The following RMST variants were observed in gnomAD, a reference collection of about 807,000 sequenced individuals.
RMST encodes long intergenic non-protein coding RNA 54.
chr12:97,491,834 T>A (rs1353514119), intron 5 of RMST: 1 of 477,708 alleles, frequency 2.1e-6, no homozygotes, highest in Admixed American at 2.1e-5. Flanking sequence ...GTCATTTTCA[T>A]CAAATGTTCA....
chr12:97,513,157 G>A (rs1182321313), intron 10 of RMST, among the ~76,000 whole-genome samples: 1 of 152,190 alleles, frequency 6.6e-6, no homozygotes, highest in Non-Finnish European at 1.5e-5. Context: ...GGCCGGCTCT[G>A]GCCTTGGCCA....
chr12:97,562,440 A>G (rs553072459), intron 13 of RMST, among the ~76,000 whole-genome samples: 2 of 149,864 alleles, frequency 1.3e-5, no homozygotes, highest in African/African-American at 4.9e-5. Flanking sequence ...GGAAGGAGAG[A>G]TGTGGTAGAG....
chr12:97,488,048 A>G (rs1191671856), intron 5 of RMST, among the ~76,000 whole-genome samples: 1 of 152,148 alleles, frequency 6.6e-6, no homozygotes. Flanking sequence ...TGCCATCCCC[A>G]TCTAGAGACC....
intron 11 of RMST, among the ~76,000 whole-genome samples, chr12:97,536,028 C>T (rs1348284254): frequency 6.6e-6 from 1 of 151,492 alleles, no homozygotes; most frequent in Non-Finnish European, 1.5e-5. Context: ...TTATGTTTAA[C>T]AGAATTTTAA....
intron 13 of RMST, among the ~76,000 whole-genome samples, chr12:97,562,023 G>A (rs1450702657): frequency 6.6e-6 from 1 of 152,076 alleles, no homozygotes; most frequent in African/African-American, 2.4e-5. Flanking sequence ...CTGGCTGAGT[G>A]CGCCACAGAG....
chr12:97,525,264 T>C (rs1165981267), intron 10 of RMST, among the ~76,000 whole-genome samples: 1 of 152,190 alleles, frequency 6.6e-6, no homozygotes, highest in Non-Finnish European at 1.5e-5. Flanking sequence ...AACAAATGGT[T>C]TTGAAAATAA....
intron 10 of RMST, among the ~76,000 whole-genome samples, chr12:97,524,075 C>CAGAAAAAA (rs57255256): frequency 1.8e-5 from 1 of 56,118 alleles, no homozygotes; most frequent in South Asian, 7.7e-4. Context: ...GACTCTGTCT[C>CAGAAAAAA]AAAAAAAAAA....
chr12:97,553,949 C>CTTTTT (rs756008010), intron 11 of RMST, among the ~76,000 whole-genome samples: 44 of 120,274 alleles, frequency 3.7e-4, no homozygotes, highest in Non-Finnish European at 5.0e-4. Flanking sequence ...TTTTCTTTCT[C>CTTTTT]TTTTTTTTTT....
At chr12:97,517,145 T>C (rs2136537639) in intron 10 of RMST, among the ~76,000 whole-genome samples, 1 of 152,090 alleles carries the variant, frequency 6.6e-6, no homozygotes, top group East Asian at 1.9e-4. Flanking sequence ...GAAAGCTTTT[T>C]GTAACATAAA....
chr12:97,499,697 T>C (rs2136474149), intron 10 of RMST, among the ~76,000 whole-genome samples: 1 of 150,448 alleles, frequency 6.6e-6, no homozygotes, highest in Non-Finnish European at 1.5e-5. Flanking sequence ...ACTCACTCTG[T>C]TGCCCAGACT....
At chr12:97,556,017 CTG>C (rs1241748385) in intron 11 of RMST, among the ~76,000 whole-genome samples, 1 of 152,214 alleles carries the variant, frequency 6.6e-6, no homozygotes, top group East Asian at 1.9e-4. Context: ...AAGGATCACA[CTG>C]TGGAATCTAC....
intron 10 of RMST, among the ~76,000 whole-genome samples, chr12:97,526,154 T>C (rs1181943973): frequency 6.6e-6 from 1 of 152,082 alleles, no homozygotes; most frequent in Admixed American, 6.6e-5. Context: ...GCACAATAAA[T>C]GTAATGCGCT....
At chr12:97,470,022 C>A (rs1407961952) in intron 5 of RMST, among the ~76,000 whole-genome samples, 1 of 152,074 alleles carries the variant, frequency 6.6e-6, no homozygotes, top group Admixed American at 6.6e-5. Flanking sequence ...ATTGCCCCCA[C>A]AAAATTTGTC....
At chr12:97,509,099 C>T (rs750048868) in intron 10 of RMST, among the ~76,000 whole-genome samples, 74 of 152,118 alleles carry the variant, frequency 4.9e-4, no homozygotes, top group Non-Finnish European at 9.6e-4. Flanking sequence ...GGATTTTAAC[C>T]AGGAGACCGT....
At chr12:97,478,309 A>G (rs1262350958) in intron 5 of RMST, among the ~76,000 whole-genome samples, 3 of 152,206 alleles carry the variant, frequency 2.0e-5, no homozygotes, top group African/African-American at 7.2e-5. Context: ...TCTATAAAAC[A>G]CATTTTGATT....
At chr12:97,487,825 A>G (rs936794726) in intron 5 of RMST, among the ~76,000 whole-genome samples, 5 of 152,248 alleles carry the variant, frequency 3.3e-5, no homozygotes, top group African/African-American at 1.2e-4. Context: ...TGTCTGTGCC[A>G]GTAATTCACG....
chr12:97,539,604 TG>T (rs1329179921), intron 11 of RMST, among the ~76,000 whole-genome samples: 15 of 151,570 alleles, frequency 9.9e-5, no homozygotes, highest in African/African-American at 3.6e-4. Flanking sequence ...TTTGCTATCA[TG>T]AGATTATCTA....
intron 5 of RMST, among the ~76,000 whole-genome samples, chr12:97,487,449 A>G (rs1009645265): frequency 3.3e-5 from 5 of 152,182 alleles, no homozygotes; most frequent in Non-Finnish European, 7.3e-5. Flanking sequence ...AGAGACCTAA[A>G]CATGCAACAA....
At chr12:97,559,934 A>G (rs1442003703) in intron 11 of RMST, among the ~76,000 whole-genome samples, 1 of 152,190 alleles carries the variant, frequency 6.6e-6, no homozygotes, top group Admixed American at 6.5e-5. Flanking sequence ...AATTTTATTA[A>G]AGTTAAATTC....
Sources: allele counts gnomAD v4.1 joint callset (sites outside exome capture counted in the v4.1 genomes callset), GRCh38; gene constraint gnomAD v4.1.1; transcripts MANE v1.5; gene names NCBI Gene and HGNC (gene_info 2026-07-23, HGNC 2026-07-21).